CDH4: variants seen among roughly 807,000 people sequenced by gnomAD.
The protein encoded by CDH4 is cadherin-4.
Under a neutral mutation model 86.0 loss-of-function variants are expected in CDH4, and 33 were observed. The observed-to-expected ratio is 0.38, with a 90% CI of 0.29 to 0.51. CDH4 has a LOEUF of 0.51. Among genes scored for constraint, CDH4 ranks in the 20% least tolerant of loss-of-function variants. CDH4 has a pLI of 0.86. For missense variants in CDH4, 1,114 were observed against 1,307.4 expected, an observed-to-expected ratio of 0.85 and a Z score of 2.28; for synonymous variants, 555 against 549.4, an observed-to-expected ratio of 1.01 and a Z score of -0.14.
intron 2 of CDH4, among the ~76,000 whole-genome samples, chr20:61,619,539 C>T (rs2086752856): frequency 6.6e-6 from 1 of 152,168 alleles, no homozygotes; most frequent in Non-Finnish European, 1.5e-5. Context: ...CACTGCTGGC[C>T]CCGGGCCACC....
In CDH4 at chr20:61,878,619, C is replaced by T. The variant is rs562067540; in HGVS notation, c.1050+4719C>T. On this transcript the variant is annotated intron_variant, in intron 7 of 15. Coordinates refer to ENST00000614565, the MANE Select transcript of CDH4 (RefSeq NM_001794.5). ...GGGGACATTGAGGCGGGCTTCCCTC[C>T]CCAGACATGGAGAGGTCATCCCCTT... Among the ~76,000 whole-genome samples the T allele has an allele frequency of 1.1e-4, 16 of 152,312 alleles. No homozygotes were observed. In the East Asian group the frequency reaches 2.9e-3, roughly 28 times the overall value.
chr20:61,366,873 G>T (rs1376312858), intron 2 of CDH4, among the ~76,000 whole-genome samples: 1 of 152,224 alleles, frequency 6.6e-6, no homozygotes, highest in Non-Finnish European at 1.5e-5. Flanking sequence ...TGGGGGGCTT[G>T]TTCCCAACAG....
chr20:61,707,008 A>G (rs1285568070), intron 2 of CDH4, among the ~76,000 whole-genome samples: 7 of 152,204 alleles, frequency 4.6e-5, no homozygotes, highest in African/African-American at 1.2e-4. Flanking sequence ...CCTGCAAGCA[A>G]TCTCAAAGGC....
chr20:61,611,621 G>A (rs7266333), intron 2 of CDH4, among the ~76,000 whole-genome samples: 2,370 of 152,230 alleles, frequency 0.016, 94 homozygotes, highest in African/African-American at 0.054. Context: ...ACTCATGTCA[G>A]AGGTCACAAG....
In CDH4 at chr20:61,813,010, G is replaced by T. The variant is rs117593771; in HGVS notation, c.577-31658G>T. Among the ~76,000 whole-genome samples the T allele has an allele frequency of 2.1e-3, 317 of 152,364 alleles. 1 individual carries two copies. The highest frequency in any genetic ancestry group is 0.01 in the Middle Eastern group (3 of 294). ...GCGCCCTGCCGAGGCTCTCCGGGCC[G>T]CAGGGCTGGGAGTCTCCACGCACAC... On this transcript the variant is annotated intron_variant, in intron 4 of 15. Coordinates refer to ENST00000614565, the MANE Select transcript of CDH4 (RefSeq NM_001794.5).
chr20:61,342,468 A>G (rs955058082), intron 2 of CDH4, among the ~76,000 whole-genome samples: 1 of 152,218 alleles, frequency 6.6e-6, no homozygotes, highest in African/African-American at 2.4e-5. Context: ...TCACATGCAC[A>G]GTTCACAATA....
chr20:61,425,449 G>A (rs2145508373), intron 2 of CDH4, among the ~76,000 whole-genome samples: 1 of 152,342 alleles, frequency 6.6e-6, no homozygotes, highest in South Asian at 2.1e-4. Context: ...CTGAAAGGGG[G>A]GCTGGGGAGG....
intron 2 of CDH4, among the ~76,000 whole-genome samples, chr20:61,538,085 A>C (rs2086011309): frequency 2.0e-5 from 3 of 152,014 alleles, no homozygotes; most frequent in Admixed American, 2.0e-4. Context: ...GCCTGTGAGG[A>C]GGTGCATTCA....
intron 2 of CDH4, among the ~76,000 whole-genome samples, chr20:61,565,204 C>CGGTGCTCTCGGTGGTAGGTGGTGGTGGTG (rs1568688382): frequency 4.0e-5 from 2 of 50,284 alleles, no homozygotes; most frequent in African/African-American, 1.3e-4. Context: ...TGGTGGTGGT[C>CGGTGCTCTCGGTGGTAGGTGGTGGTGGTG]GCGGTGCTCT....
At chr20:61,806,492 G>A (rs1980135127) in intron 4 of CDH4, among the ~76,000 whole-genome samples, 1 of 152,224 alleles carries the variant, frequency 6.6e-6, no homozygotes, top group Non-Finnish European at 1.5e-5. Context: ...GAGTGGGGAG[G>A]CAATTCCATA....
rs2084991755 is a variant in CDH4 at position 61,392,410 on chromosome 20, G to A, written c.169+137473G>A. Among the ~76,000 whole-genome samples, 1 of 152,130 alleles carries A rather than the reference G, an allele frequency of 6.6e-6. No individual in the cohort carries two copies. Among genetic ancestry groups the A allele is most frequent in the South Asian group, 2.1e-4 (1 of 4,818 alleles). On this transcript the variant is annotated intron_variant, in intron 2 of 15. Coordinates refer to ENST00000614565, the MANE Select transcript of CDH4 (RefSeq NM_001794.5). This position sits in a 1 kb window ranked among gnomAD's most constrained non-coding sequence, Gnocchi z 5.7. ...GCGCCACCGGGATGGAACGCACGGC[G>A]CCCCGACGTGATTTTCCAGAGAACT...
At chr20:61,498,591 C>A (rs2145597031) in intron 2 of CDH4, among the ~76,000 whole-genome samples, 1 of 152,234 alleles carries the variant, frequency 6.6e-6, no homozygotes, top group African/African-American at 2.4e-5. Context: ...GCAGGTGAAC[C>A]TCACAGGGCC....
At chr20:61,394,323 C>T (rs778927224) in intron 2 of CDH4, among the ~76,000 whole-genome samples, 3 of 152,172 alleles carry the variant, frequency 2.0e-5, no homozygotes, top group Admixed American at 1.3e-4. Context: ...CTGTCCCTCT[C>T]GGGCAGAACC....
intron 9 of CDH4, among the ~76,000 whole-genome samples, chr20:61,916,122 T>A (rs999579557): frequency 2.6e-5 from 4 of 151,434 alleles, no homozygotes; most frequent in Non-Finnish European, 5.9e-5. Context: ...AAATTGGTTT[T>A]GCATTCTTTG....
intron 2 of CDH4, among the ~76,000 whole-genome samples, chr20:61,466,534 C>T (rs982362717): frequency 2.0e-5 from 3 of 152,120 alleles, no homozygotes; most frequent in African/African-American, 7.2e-5. Context: ...CATTTTGGTT[C>T]TGGTGCATTA....
chr20:61,799,470 C>T (rs1036512840), intron 4 of CDH4, among the ~76,000 whole-genome samples: 2 of 152,330 alleles, frequency 1.3e-5, no homozygotes, highest in Middle Eastern at 3.4e-3. Flanking sequence ...TTGTGCTAAC[C>T]GTTAACCATT....
chr20:61,345,080 G>A (rs1358953234), intron 2 of CDH4, among the ~76,000 whole-genome samples: 2 of 152,176 alleles, frequency 1.3e-5, no homozygotes, highest in African/African-American at 4.8e-5. Context: ...ATCTCGTTTG[G>A]ATTCCTAGCT....
chr20:61,932,887 A>G, intron 13 of CDH4, 98 bp from the exon 14 acceptor site: 1 of 1,481,738 alleles, frequency 6.7e-7, no homozygotes, highest in South Asian at 1.3e-5. Context: ...CTTGTGTGCC[A>G]CCTGCATGTA....
intron 4 of CDH4, among the ~76,000 whole-genome samples, chr20:61,790,024 T>G (rs980245261): frequency 6.6e-6 from 1 of 152,122 alleles, no homozygotes; most frequent in African/African-American, 2.4e-5. Flanking sequence ...ATATCCACAG[T>G]CTATTACATT....
Sources: gnomAD v4.1 joint callset for allele counts (sites outside exome capture counted in the v4.1 genomes callset) on GRCh38, gnomAD v4.1.1 for gene constraint, Gnocchi (gnomAD v3.1) non-coding constraint, MANE v1.5 for transcripts, NCBI Gene and HGNC (gene_info 2026-07-23, HGNC 2026-07-21) for gene names.